Variants in ABHD3 observed in about 807,000 individuals in gnomAD.
The protein encoded by ABHD3 is phospholipase ABHD3.
In ABHD3, 46 loss-of-function variants were observed where a neutral mutation model predicts 48.8. The ratio of observed to expected loss-of-function variants is 0.94; its 90% CI spans 0.74 to 1.20. The LOEUF is 1.20. Among genes scored for constraint, ABHD3 ranks in the 50% most tolerant of loss-of-function variants. The pLI is 0.00. For synonymous variants in ABHD3, 192 were observed against 183.7 expected, an observed-to-expected ratio of 1.04 and a Z score of -0.36; for missense variants, 490 against 497.8, an observed-to-expected ratio of 0.98 and a Z score of 0.15.
At chr18:21,704,247 G>A (rs1252734243) in intron 1 of ABHD3, among the ~76,000 whole-genome samples, 1 of 152,202 alleles carries the variant, frequency 6.6e-6, no homozygotes, top group Non-Finnish European at 1.5e-5. Flanking sequence ...CGCGATCGGT[G>A]ACCGGGCAGC....
intron 4 of ABHD3, among the ~76,000 whole-genome samples, chr18:21,679,331 T>A (rs1302525697): frequency 6.6e-6 from 1 of 152,178 alleles, no homozygotes; most frequent in Admixed American, 6.5e-5. Flanking sequence ...TCTCATTTTT[T>A]GATCCAACTC....
chr18:21,693,063 G>C (rs533486109), intron 3 of ABHD3, among the ~76,000 whole-genome samples: 2 of 152,252 alleles, frequency 1.3e-5, no homozygotes, highest in South Asian at 4.1e-4. Context: ...CAGGCACACT[G>C]TTGTCTCTGG....
At chr18:21,672,518 C>T (rs1172169867) in intron 4 of ABHD3, among the ~76,000 whole-genome samples, 1 of 152,206 alleles carries the variant, frequency 6.6e-6, no homozygotes, top group Non-Finnish European at 1.5e-5. Flanking sequence ...ATTCCTCTCT[C>T]AAGTACTTAA....
intron 4 of ABHD3, among the ~76,000 whole-genome samples, chr18:21,676,687 G>A (rs986350378): frequency 2.0e-5 from 3 of 152,182 alleles, no homozygotes; most frequent in East Asian, 1.9e-4. Context: ...CACCGCATCC[G>A]GCCTTAAGTT....
intron 3 of ABHD3, among the ~76,000 whole-genome samples, chr18:21,699,203 C>T (rs2146337767): frequency 6.6e-6 from 1 of 152,224 alleles, no homozygotes; most frequent in Middle Eastern, 3.4e-3. Flanking sequence ...CATGGGCGAC[C>T]ACACCTGGCC....
At chr18:21,663,067 C>T (rs1292578792) in intron 5 of ABHD3, among the ~76,000 whole-genome samples, 2 of 152,068 alleles carry the variant, frequency 1.3e-5, no homozygotes, top group African/African-American at 4.8e-5. Context: ...CAAGTCAGAC[C>T]TTCCATGCTA....
intron 5 of ABHD3, chr18:21,663,588 T>A (rs2039550509): frequency 1.6e-6 from 2 of 1,275,710 alleles, no homozygotes; most frequent in South Asian, 1.4e-5. Context: ...ACAGCTGGAG[T>A]AGGGGGTTAA....
At chr18:21,665,021 T>C (rs939235667) in intron 4 of ABHD3, among the ~76,000 whole-genome samples, 4 of 152,036 alleles carry the variant, frequency 2.6e-5, no homozygotes, top group African/African-American at 9.6e-5. Flanking sequence ...CTCGGCTCAC[T>C]GCAACCTCTG....
At chr18:21,664,574 A>G (rs529632615) in intron 4 of ABHD3, 2 of 180,102 alleles carry the variant, frequency 1.1e-5, no homozygotes, top group African/African-American at 2.4e-5. Context: ...AAAGCAGAGA[A>G]CTGTGCTTTC....
At chr18:21,704,164 G>C (rs1340143027) in intron 1 of ABHD3, among the ~76,000 whole-genome samples, 2 of 152,258 alleles carry the variant, frequency 1.3e-5, no homozygotes, top group East Asian at 3.8e-4. Flanking sequence ...TGAGATTACA[G>C]GCGTGAGCCA....
At chr18:21,687,056 A>C (rs879798224) in intron 3 of ABHD3, among the ~76,000 whole-genome samples, 8 of 141,744 alleles carry the variant, frequency 5.6e-5, no homozygotes, top group South Asian at 2.3e-4. Context: ...CTACAGGGGC[A>C]TGCCACCATG....
intron 4 of ABHD3, chr18:21,683,590 G>A (rs1187590211): frequency 8.1e-6 from 4 of 495,876 alleles, no homozygotes; most frequent in South Asian, 6.2e-5. Flanking sequence ...GAAAAAAAAT[G>A]ATGTAGGTGA....
chr18:21,658,558 A>C (rs1479772637), intron 6 of ABHD3, among the ~76,000 whole-genome samples: 2 of 152,236 alleles, frequency 1.3e-5, no homozygotes, highest in African/African-American at 2.4e-5. Flanking sequence ...AGTAACCTTC[A>C]ATAGTGTACC....
At chr18:21,700,827 C>CAAAAAAAAAA (rs375239917) in intron 3 of ABHD3, among the ~76,000 whole-genome samples, 35 of 94,362 alleles carry the variant, frequency 3.7e-4, no homozygotes, top group African/African-American at 1.0e-3. Context: ...AAGTTTTAGC[C>CAAAAAAAAAA]AAAAAAAAAA....
Position 21,670,591 on chromosome 18 carries a change from T to C in ABHD3, c.556-6361A>G, listed in dbSNP as rs138096892. On this transcript the variant is annotated intron_variant, in intron 4 of 8. Transcript: ENST00000289119. ...CTGTATTTTATTATTTCTCCAAATGTACAGATGCAGACCAATGGGATACTG... is the reference window on the plus strand; with the variant it reads ...CTGTATTTTATTATTTCTCCAAATGCACAGATGCAGACCAATGGGATACTG... Among the ~76,000 whole-genome samples the C allele has an allele frequency of 6.2e-4, 95 of 152,338 alleles. No homozygotes were observed. In the Middle Eastern group the frequency reaches 0.014, roughly 22 times the overall value.
At chr18:21,674,193 T>A (rs2039822371) in intron 4 of ABHD3, among the ~76,000 whole-genome samples, 1 of 151,976 alleles carries the variant, frequency 6.6e-6, no homozygotes, top group South Asian at 2.1e-4. Context: ...AAATTATTAT[T>A]TCTAAAACTC....
At chr18:21,663,855 G>A (rs1255623953) in intron 5 of ABHD3, 11 of 1,497,692 alleles carry the variant, frequency 7.3e-6, no homozygotes, top group South Asian at 6.4e-5. Context: ...TGATGCAATC[G>A]ACTTCATGGG....
At chr18:21,654,259 T>G (rs1453004293) in intron 8 of ABHD3, among the ~76,000 whole-genome samples, 1 of 152,110 alleles carries the variant, frequency 6.6e-6, no homozygotes, top group African/African-American at 2.4e-5. Context: ...TAATTACAAC[T>G]TCACAACTTG....
chr18:21,671,108 C>G (rs1222139965), intron 4 of ABHD3, among the ~76,000 whole-genome samples: 1 of 152,196 alleles, frequency 6.6e-6, no homozygotes, highest in East Asian at 1.9e-4. Context: ...CCTGTCCAGC[C>G]TGCTCCATGC....
Sources: allele counts gnomAD v4.1 joint callset (sites outside exome capture counted in the v4.1 genomes callset), GRCh38; gene constraint gnomAD v4.1.1; transcripts MANE v1.5; gene names NCBI Gene and HGNC (gene_info 2026-07-23, HGNC 2026-07-21).